The following PXDNL variants were observed in gnomAD, a reference collection of about 807,000 sequenced individuals.
PXDNL encodes the protein peroxidasin like.
PXDNL carries 145 observed loss-of-function variants against 150.8 expected under a neutral mutation model. The observed-to-expected ratio is 0.96, with a 90% CI of 0.84 to 1.10. The LOEUF is 1.10. Ranked by LOEUF, PXDNL falls within the 50% of genes least tolerant of loss-of-function variation. PXDNL has a pLI of 0.00. For synonymous variants in PXDNL, 757 were observed against 725.7 expected, an observed-to-expected ratio of 1.04 and a Z score of -0.69; for missense variants, 2,087 against 1,873.9, an observed-to-expected ratio of 1.11 and a Z score of -2.10.
chr8:51,744,803 GAGAA>G (rs762306633), intron 1 of PXDNL, among the ~76,000 whole-genome samples: 10 of 146,382 alleles, frequency 6.8e-5, no homozygotes, highest in African/African-American at 1.3e-4. Flanking sequence ...GAGAAAGAGA[GAGAA>G]AGAAAGAGAA....
intron 2 of PXDNL, among the ~76,000 whole-genome samples, chr8:51,621,556 A>T (rs1814254496): frequency 6.6e-6 from 1 of 151,906 alleles, no homozygotes. Flanking sequence ...GGATTCTAAG[A>T]TGCCAGACCC....
intron 1 of PXDNL, among the ~76,000 whole-genome samples, chr8:51,723,466 C>A (rs1179405823): frequency 6.6e-6 from 1 of 152,170 alleles, no homozygotes; most frequent in African/African-American, 2.4e-5. Flanking sequence ...CCTGCACGGG[C>A]GATATCAGCC....
chr8:51,581,883 C>A (rs1016259044), intron 3 of PXDNL, among the ~76,000 whole-genome samples: 1 of 152,146 alleles, frequency 6.6e-6, no homozygotes, highest in African/African-American at 2.4e-5. Flanking sequence ...CTGATGCAAT[C>A]TGCTTATTCA....
intron 5 of PXDNL, among the ~76,000 whole-genome samples, chr8:51,486,775 TA>T (rs1563433443): frequency 1.6e-3 from 16 of 10,010 alleles, no homozygotes; most frequent in Non-Finnish European, 3.6e-3. Context: ...TATATATATA[TA>T]TATATATATA....
At chr8:51,539,664 C>G (rs73584816) in intron 4 of PXDNL, among the ~76,000 whole-genome samples, 5,113 of 152,010 alleles carry the variant, frequency 0.034, 287 homozygotes, top group African/African-American at 0.12. Context: ...TGCAGTTTAT[C>G]CTCTCTTCTT....
chr8:51,331,404 G>A (rs1177972420), intron 21 of PXDNL, among the ~76,000 whole-genome samples: 4 of 152,164 alleles, frequency 2.6e-5, no homozygotes, highest in Admixed American at 2.6e-4. Context: ...GGAGGAGCAG[G>A]GGATAAAACC....
intron 3 of PXDNL, among the ~76,000 whole-genome samples, chr8:51,569,658 T>G (rs888738692): frequency 1.3e-5 from 2 of 151,980 alleles, no homozygotes; most frequent in African/African-American, 2.4e-5. Context: ...GAGATAGTTT[T>G]TATTATCATA....
chr8:51,612,646 T>C (rs1814037145), intron 2 of PXDNL, among the ~76,000 whole-genome samples: 1 of 152,066 alleles, frequency 6.6e-6, no homozygotes, highest in Admixed American at 6.5e-5. Context: ...AGCGCCCTTA[T>C]AAAAGAGACC....
Position 51,608,054 on chromosome 8 carries a change from A to AAAGAAAGCAAGC in PXDNL, c.237-15357_237-15356insGCTTGCTTTCTT, listed in dbSNP as rs1554557536. Among the ~76,000 whole-genome samples the AAAGAAAGCAAGC allele has an allele frequency of 7.1e-4, 79 of 111,680 alleles. 2 individuals carry two copies. The highest frequency in any genetic ancestry group is 1.0e-3 in the African/African-American group (24 of 23,548). The allele number at this position is 111,680 out of a possible 152,430, so 73.3% of individuals were successfully genotyped here. On this transcript the variant is annotated intron_variant, in intron 2 of 22. Coordinates refer to ENST00000356297, the MANE Select transcript of PXDNL (RefSeq NM_144651.5). ...GAAAGAAAGAAAGAAAGAAAGAAAG[A>AAAGAAAGCAAGC]AAGCAAGCAAGCAAGCAAGCAAGCA...
At chr8:51,655,252 G>A (rs1017402856) in intron 1 of PXDNL, among the ~76,000 whole-genome samples, 6 of 152,142 alleles carry the variant, frequency 3.9e-5, no homozygotes, top group African/African-American at 1.4e-4. Context: ...TAAATCAACA[G>A]AACAATTAGT....
At chr8:51,451,669 A>G (rs1429666742) in intron 10 of PXDNL, among the ~76,000 whole-genome samples, 1 of 152,074 alleles carries the variant, frequency 6.6e-6, no homozygotes, top group Non-Finnish European at 1.5e-5. Context: ...TATTTGTGTT[A>G]TTTTATTTTA....
At chr8:51,721,930 CT>C in intron 1 of PXDNL, 1 of 255,204 alleles carries the variant, frequency 3.9e-6, no homozygotes. Context: ...GATACCTGAC[CT>C]TTAGGGTTGC....
chr8:51,749,450 T>G (rs1342502182), intron 1 of PXDNL, among the ~76,000 whole-genome samples: 1 of 152,184 alleles, frequency 6.6e-6, no homozygotes, highest in Non-Finnish European at 1.5e-5. Flanking sequence ...TGTAGGAAAC[T>G]GAAACATATT....
intron 2 of PXDNL, among the ~76,000 whole-genome samples, chr8:51,593,128 G>A (rs1433759503): frequency 1.3e-5 from 2 of 152,138 alleles, no homozygotes; most frequent in Admixed American, 6.5e-5. Flanking sequence ...CTTTCATTGT[G>A]TATTTGTTAA....
At chr8:51,726,842 A>T (rs984444457) in intron 1 of PXDNL, among the ~76,000 whole-genome samples, 2 of 152,206 alleles carry the variant, frequency 1.3e-5, no homozygotes, top group Admixed American at 6.5e-5. Context: ...ATTTATCACC[A>T]TTTTGGAATA....
At chr8:51,568,205 T>C (rs114721812) in intron 3 of PXDNL, among the ~76,000 whole-genome samples, 2,232 of 151,958 alleles carry the variant, frequency 0.015, 54 homozygotes, top group African/African-American at 0.049. Context: ...CCTTCTCTAT[T>C]GCTCCACCTT....
At chr8:51,614,755 T>C (rs1463731380) in intron 2 of PXDNL, among the ~76,000 whole-genome samples, 2 of 152,136 alleles carry the variant, frequency 1.3e-5, no homozygotes, top group African/African-American at 4.8e-5. Context: ...TCTGACATAG[T>C]ACAAGAATTT....
At chr8:51,480,532 G>T (rs550577358) in intron 6 of PXDNL, among the ~76,000 whole-genome samples, 3 of 152,126 alleles carry the variant, frequency 2.0e-5, no homozygotes, top group Non-Finnish European at 4.4e-5. Flanking sequence ...CACGCCCCAC[G>T]ACTGACATTA....
intron 6 of PXDNL, among the ~76,000 whole-genome samples, chr8:51,481,317 G>A (rs758066118): frequency 6.6e-6 from 1 of 152,202 alleles, no homozygotes; most frequent in Non-Finnish European, 1.5e-5. Flanking sequence ...CCGCCCTAGA[G>A]ATCTGTGGAA....
Sources: allele counts gnomAD v4.1 joint callset (sites outside exome capture counted in the v4.1 genomes callset), GRCh38; gene constraint gnomAD v4.1.1; transcripts MANE v1.5; gene names NCBI Gene and HGNC (gene_info 2026-07-23, HGNC 2026-07-21).